FIGN: variants seen among roughly 807,000 people sequenced by gnomAD.
The protein encoded by FIGN is fidgetin.
A neutral mutation model predicts 51.3 loss-of-function variants in FIGN; 11 were observed. The observed-to-expected ratio is 0.21, with a 90% confidence interval of 0.13 to 0.35. The LOEUF (loss-of-function observed/expected upper bound fraction) is 0.35, where lower values mean the gene tolerates loss of function less well. Among genes scored for constraint, FIGN ranks in the 10% least tolerant of loss-of-function variants. FIGN has a pLI of 1.00. For synonymous variants in FIGN, 407 were observed against 363.2 expected (o/e 1.12, Z -1.37); for missense variants, 857 against 943.6 (o/e 0.91, Z 1.20).
Position 163,610,786 on chromosome 2 carries a change from T to A in FIGN, c.1046A>T (p.Tyr349Phe), listed in dbSNP as rs182427881. Residue 349 changes from tyrosine to phenylalanine, a missense_variant, in exon 3 of 3, where the codon TAC (tyrosine) becomes TTC (phenylalanine). Tyr to Phe is a conservative substitution (Grantham distance 22). Coordinates refer to ENST00000333129, the MANE Select transcript of FIGN (RefSeq NM_018086.4). ...TGAAATGCTGTTGTCGGGCATTCTG[T>A]ACATAGGACTCTGTGTAGATCTCTG... ...GQQRSTQSPM[Y>F]RMPDNSISNT... 1.5e-4 allele frequency: 242 copies of A among 1,614,168 alleles called. 1 individual carries two copies. In the East Asian group the frequency reaches 3.9e-3, roughly 26 times the overall value.
At chr2:163,634,526 T>C (rs1683196375) in intron 2 of FIGN, among the ~76,000 whole-genome samples, 1 of 152,184 alleles carries the variant, frequency 6.6e-6, no homozygotes, top group African/African-American at 2.4e-5. Context: ...TCTCTCATTA[T>C]ACTATGAGGT....
intron 2 of FIGN, among the ~76,000 whole-genome samples, chr2:163,699,594 C>T (rs1182420126): frequency 6.6e-6 from 1 of 152,142 alleles, no homozygotes; most frequent in African/African-American, 2.4e-5. Context: ...AATAATGACG[C>T]AAAAATTCAC....
chr2:163,684,199 A>C (rs1440685073), intron 2 of FIGN, among the ~76,000 whole-genome samples: 2 of 152,172 alleles, frequency 1.3e-5, no homozygotes, highest in Admixed American at 1.3e-4. Context: ...GAGACTTGTA[A>C]ACAATATATT....
intron 2 of FIGN, among the ~76,000 whole-genome samples, chr2:163,655,185 A>G (rs1408106159): frequency 1.3e-5 from 2 of 152,154 alleles, no homozygotes; most frequent in African/African-American, 4.8e-5. Context: ...GAAGTAGCCA[A>G]CACTTGACAA....
At position 163,660,877 on chromosome 2, in the gene FIGN, ATATT is replaced by A. The variant is rs1249071207; in HGVS notation, c.26-49075_26-49072del. On this transcript the variant is annotated intron_variant, in intron 2 of 2. Coordinates refer to ENST00000333129, the MANE Select transcript of FIGN (RefSeq NM_018086.4). ...TGTATACATATATATATATATATAT[ATATT>A]TTTTTTTTTTTTTTTTTTTTTTTTG... 2.1e-3 allele frequency among the ~76,000 whole-genome samples: 53 copies of A among 25,152 alleles called. 9 individuals carry two copies. Among genetic ancestry groups the A allele is most frequent in the Non-Finnish European group, 2.8e-3 (44 of 15,672 alleles). 16.5% of individuals were successfully genotyped at this position (25,152 alleles called of 152,430 possible).
chr2:163,667,069 T>G (rs978634547), intron 2 of FIGN, among the ~76,000 whole-genome samples: 1 of 152,166 alleles, frequency 6.6e-6, no homozygotes, highest in Non-Finnish European at 1.5e-5. Context: ...TTCTCTATTT[T>G]TGGTTAGTGT....
intron 2 of FIGN, among the ~76,000 whole-genome samples, chr2:163,651,863 G>A (rs1206851670): frequency 1.3e-5 from 2 of 152,122 alleles, no homozygotes; most frequent in Non-Finnish European, 2.9e-5. Context: ...AGCAGGCTAG[G>A]GTTGCCCAAG....
At position 163,603,758 on chromosome 2, in the gene FIGN, A is replaced by C. The variant is rs536796115; in HGVS notation, c.*5794T>G. On this transcript the variant is annotated 3_prime_UTR_variant, in exon 3 of 3. Coordinates refer to ENST00000333129, the MANE Select transcript of FIGN (RefSeq NM_018086.4). Reference sequence around the variant, plus strand: ...CAATTTGCTGACAAGCAACTTCAAAAGTCCATTCATCGATTGGGTGGGTGG... The same window carrying C: ...CAATTTGCTGACAAGCAACTTCAAACGTCCATTCATCGATTGGGTGGGTGG... 2 of 152,266 alleles carry C rather than the reference A, an allele frequency of 1.3e-5. No individual in the cohort carries two copies. Among genetic ancestry groups the C allele is most frequent in the South Asian group, 2.1e-4 (1 of 4,832 alleles). 9.4% of individuals were successfully genotyped at this position (152,266 alleles called of 1,614,324 possible). A position where few individuals can be genotyped will look rare whatever the true frequency, so the allele number is the denominator to read the frequency against.
chr2:163,677,781 C>T (rs1276333559), intron 2 of FIGN, among the ~76,000 whole-genome samples: 1 of 152,134 alleles, frequency 6.6e-6, no homozygotes, highest in Admixed American at 6.5e-5. Flanking sequence ...ACACTGTTGT[C>T]TTTGTTGAGC....
chr2:163,633,000 G>A (rs1683171231), intron 2 of FIGN, among the ~76,000 whole-genome samples: 3 of 152,020 alleles, frequency 2.0e-5, no homozygotes, highest in African/African-American at 7.2e-5. Context: ...AGACCAGTCT[G>A]AGCAACATAG....
At chr2:163,721,910 G>C (rs1336807630) in intron 2 of FIGN, among the ~76,000 whole-genome samples, 1 of 152,016 alleles carries the variant, frequency 6.6e-6, no homozygotes, top group Non-Finnish European at 1.5e-5. Context: ...TACATCTTTA[G>C]GTTTAAAAAC....
chr2:163,629,044 G>A (rs908303898), intron 2 of FIGN, among the ~76,000 whole-genome samples: 4 of 152,132 alleles, frequency 2.6e-5, no homozygotes, highest in Non-Finnish European at 5.9e-5. Flanking sequence ...AGAAGTCCAA[G>A]CTTTACAAGG....
At chr2:163,725,348 T>G (rs1684823080) in intron 2 of FIGN, among the ~76,000 whole-genome samples, 1 of 152,106 alleles carries the variant, frequency 6.6e-6, no homozygotes, top group African/African-American at 2.4e-5. Context: ...GCAAGGTTCT[T>G]GGTGAGTATG....
rs2105323335 is a variant in FIGN, at chr2:163,654,329, G to C, written c.26-42523C>G. On this transcript the variant is annotated intron_variant, in intron 2 of 2. Transcript: ENST00000333129. The stretch of plus-strand genomic sequence containing the variant: ...GCTTGTTAAATTGTAATTGTTTATA[G>C]GCAAAGAACCTCATGTTATTTGGCT... Among the ~76,000 whole-genome samples the C allele has an allele frequency of 1.3e-5, 2 of 152,212 alleles. 1 individual carries two copies. The highest frequency in any genetic ancestry group is 4.1e-4 in the South Asian group (2 of 4,828).
At position 163,605,998 on chromosome 2, in the gene FIGN, A is replaced by G. The variant is rs1691103803; in HGVS notation, c.*3554T>C. On this transcript the variant is annotated 3_prime_UTR_variant, in exon 3 of 3. Transcript: ENST00000333129. Reference sequence around the variant, plus strand: ...CTATTTTACATAGCATAGCCTCTGGATAGCTTTTATCACTTTCCCAGATGG... The same window carrying G: ...CTATTTTACATAGCATAGCCTCTGGGTAGCTTTTATCACTTTCCCAGATGG... 6.6e-6 allele frequency: 1 copy of G among 151,858 alleles called. No individual in the cohort carries two copies. The highest frequency in any genetic ancestry group is 2.1e-4 in the South Asian group (1 of 4,812). The allele number at this position is 151,858 out of a possible 1,614,324, so 9.4% of individuals were successfully genotyped here.
chr2:163,718,094 C>T (rs930980284), intron 2 of FIGN, among the ~76,000 whole-genome samples: 2 of 152,000 alleles, frequency 1.3e-5, no homozygotes, highest in Non-Finnish European at 2.9e-5. Context: ...ATTCATGGTC[C>T]TTCATCTTTG....
At chr2:163,653,938 T>C (rs1412881291) in intron 2 of FIGN, among the ~76,000 whole-genome samples, 1 of 152,158 alleles carries the variant, frequency 6.6e-6, no homozygotes, top group Non-Finnish European at 1.5e-5. Flanking sequence ...GTCATCTAAG[T>C]AATCCCTGGT....
chr2:163,661,946 C>T (rs1039986299), intron 2 of FIGN, among the ~76,000 whole-genome samples: 14 of 152,238 alleles, frequency 9.2e-5, no homozygotes, highest in African/African-American at 3.1e-4. Flanking sequence ...TGAAAACAGA[C>T]TAACACAGTA....
chr2:163,683,928 T>A (rs758399582), intron 2 of FIGN, among the ~76,000 whole-genome samples: 1 of 152,180 alleles, frequency 6.6e-6, no homozygotes, highest in Admixed American at 6.5e-5. Context: ...ACCAATCATG[T>A]TACTACAAAG....
Sources: allele counts gnomAD v4.1 joint callset (sites outside exome capture counted in the v4.1 genomes callset), GRCh38; gene constraint gnomAD v4.1.1; transcripts MANE v1.5; gene names NCBI Gene and HGNC (gene_info 2026-07-23, HGNC 2026-07-21).